The following ZFHX3 variants were observed in gnomAD, a reference collection of about 807,000 sequenced individuals.
ZFHX3 encodes the protein zinc finger homeobox 3.
ZFHX3 carries 42 observed loss-of-function variants against 279.1 expected under a neutral mutation model. The ratio of observed to expected loss-of-function variants is 0.15; its 90% CI spans 0.12 to 0.19. The LOEUF (loss-of-function observed/expected upper bound fraction) is 0.19. Ranked by LOEUF, ZFHX3 falls within the 10% of genes least tolerant of loss-of-function variation. ZFHX3 has a pLI of 1.00. For synonymous variants in ZFHX3, 2,293 were observed against 1,957.8 expected, an observed-to-expected ratio of 1.17 and a Z score of -4.52; for missense variants, 4,981 against 4,754.0, an observed-to-expected ratio of 1.05 and a Z score of -1.40.
intron 4 of ZFHX3, chr16:73,293,986 CAAAAAAAAAAAAA>C (rs56783722): frequency 1.7e-4 from 7 of 41,734 alleles, no homozygotes; most frequent in Admixed American, 3.3e-4. Context: ...GTCAATATGC[CAAAAAAAAAAAAA>C]AAAAAAAAAA....
intron 3 of ZFHX3, among the ~76,000 whole-genome samples, chr16:73,376,236 A>C (rs1458591772): frequency 2.6e-5 from 4 of 152,170 alleles, no homozygotes; most frequent in Non-Finnish European, 5.9e-5. Flanking sequence ...TATAGAATGA[A>C]GTTTTCTAAA....
intron 2 of ZFHX3, among the ~76,000 whole-genome samples, chr16:73,591,217 G>A (rs926763409): frequency 5.9e-5 from 9 of 151,990 alleles, no homozygotes; most frequent in African/African-American, 2.2e-4. Flanking sequence ...GCCGGGCATG[G>A]TGGTGGGCGC....
intron 1 of ZFHX3, among the ~76,000 whole-genome samples, chr16:73,821,373 G>C (rs1477884611): frequency 6.6e-6 from 1 of 152,142 alleles, no homozygotes; most frequent in Non-Finnish European, 1.5e-5. Context: ...TTTCTAAAGG[G>C]GCACTGGAAT....
In ZFHX3 at chr16:73,053,249, T is replaced by C. The variant is rs977654728; in HGVS notation, c.-24+5281A>G. On this transcript the variant is annotated intron_variant, in intron 1 of 8. Coordinates refer to the ZFHX3 transcript ENST00000397992. Reference sequence around the variant, plus strand: ...TGGAAATAAGAGACACTGGACACTATAGTCATTTTTAGTGACACCAGAACG... The same window carrying C: ...TGGAAATAAGAGACACTGGACACTACAGTCATTTTTAGTGACACCAGAACG... Among the ~76,000 whole-genome samples the C allele has an allele frequency of 1.1e-4, 17 of 152,126 alleles. No homozygotes were observed. The South Asian group carries it at 1.2e-3, about 11-fold the overall frequency.
intron 3 of ZFHX3, among the ~76,000 whole-genome samples, chr16:72,945,822 G>T (rs935559373): frequency 2.0e-5 from 3 of 152,078 alleles, no homozygotes; most frequent in Non-Finnish European, 4.4e-5. Flanking sequence ...GTCCCCAAAG[G>T]ATGTATGCTT....
At chr16:73,354,874 C>A (rs114711689) in intron 3 of ZFHX3, among the ~76,000 whole-genome samples, 2,408 of 152,288 alleles carry the variant, frequency 0.016, 27 homozygotes, top group African/African-American at 0.036. Context: ...TCATTTAAAA[C>A]CCTCTCTCTT....
chr16:73,720,404 T>C (rs1196187233), intron 1 of ZFHX3, among the ~76,000 whole-genome samples: 1 of 152,192 alleles, frequency 6.6e-6, no homozygotes, highest in East Asian at 1.9e-4. Flanking sequence ...GGGAGAAAAA[T>C]TATATAGAAC....
chr16:73,373,211 C>T (rs1350826680), intron 3 of ZFHX3, among the ~76,000 whole-genome samples: 1 of 152,106 alleles, frequency 6.6e-6, no homozygotes, highest in Non-Finnish European at 1.5e-5. Context: ...GACTGCTTTT[C>T]ACCTTCCACT....
rs760958351 is a variant in ZFHX3 at position 72,794,908 on chromosome 16, C to G, written c.7774G>C (p.Ala2592Pro). The G allele has an allele frequency of 1.9e-6, 3 of 1,613,870 alleles. No homozygotes were observed. Among genetic ancestry groups the G allele is most frequent in the African/African-American group, 2.7e-5 (2 of 74,878 alleles). The change falls in exon 9 of 10, where the codon GCC becomes CCC. Residue 2592 changes from alanine (A) to proline (P), a missense_variant. This residue lies in a region of ZFHX3 where 744 missense variants were observed against 701.3 expected (regional missense o/e 1.06). Coordinates refer to ENST00000268489, the MANE Select transcript of ZFHX3 (RefSeq NM_006885.4). The surrounding 1 kb of genome is among the most constrained non-coding windows in gnomAD (Gnocchi z 4.2). The stretch of plus-strand genomic sequence containing the variant: ...GAGCTTGCTGGAATCTGAGGTATGG[C>G]CCCAGAGAGCAGCTGGCTGGCCAGG... ...PLLASQLLSG[A>P]IPQIPASSAT...
At chr16:72,988,213 T>A (rs1051403329) in intron 1 of ZFHX3, among the ~76,000 whole-genome samples, 5 of 152,114 alleles carry the variant, frequency 3.3e-5, no homozygotes, top group East Asian at 3.8e-4. Context: ...ACAAAATACA[T>A]CAACCCACTA....
chr16:73,728,053 G>C, intron 1 of ZFHX3, among the ~76,000 whole-genome samples: 1 of 120,386 alleles, frequency 8.3e-6, no homozygotes, highest in African/African-American at 3.3e-5. Context: ...TGTTGAAGTT[G>C]TAACTCCCAG....
At chr16:72,977,037 G>A (rs1962380605) in intron 1 of ZFHX3, among the ~76,000 whole-genome samples, 1 of 152,174 alleles carries the variant, frequency 6.6e-6, no homozygotes, top group South Asian at 2.1e-4. Context: ...TCCCACAAAT[G>A]GTGATGAGAA....
intron 4 of ZFHX3, among the ~76,000 whole-genome samples, chr16:72,845,338 A>T (rs2037452170): frequency 6.6e-6 from 1 of 151,954 alleles, no homozygotes; most frequent in African/African-American, 2.4e-5. Flanking sequence ...ATGGGAATTT[A>T]TTTCCCTCAA....
At position 72,853,375 on chromosome 16, in the gene ZFHX3, A is replaced by C. The variant is rs80305375; in HGVS notation, c.3449-23516T>G. On this transcript the variant is annotated intron_variant, in intron 4 of 9. Coordinates refer to ENST00000268489, the MANE Select transcript of ZFHX3 (RefSeq NM_006885.4). ...TTTCTAGCCAAGGGAATAACACCAC[A>C]AAAGTACTTTTTAAACTAATTACTC... Among the ~76,000 whole-genome samples the C allele has an allele frequency of 7.4e-3, 1,123 of 152,346 alleles. 10 individuals are homozygous for C. Among genetic ancestry groups the C allele is most frequent in the African/African-American group, 0.026 (1,063 of 41,570 alleles).
chr16:72,815,901 C>G (rs2036590875), intron 5 of ZFHX3, among the ~76,000 whole-genome samples: 1 of 152,182 alleles, frequency 6.6e-6, no homozygotes, highest in Non-Finnish European at 1.5e-5. Flanking sequence ...TGGAAACAAT[C>G]TAGATATCTT....
At chr16:73,314,602 GGTGACAT>G (rs1282138176) in intron 4 of ZFHX3, among the ~76,000 whole-genome samples, 1 of 152,088 alleles carries the variant, frequency 6.6e-6, no homozygotes, top group East Asian at 1.9e-4. Flanking sequence ...TTATGATCTA[GGTGACAT>G]GAAATGAGGG....
At chr16:73,721,391 G>T (rs1339218037) in intron 1 of ZFHX3, among the ~76,000 whole-genome samples, 1 of 152,096 alleles carries the variant, frequency 6.6e-6, no homozygotes, top group Non-Finnish European at 1.5e-5. Flanking sequence ...CAAAGTGCTG[G>T]GATTACAGGT....
intron 2 of ZFHX3, among the ~76,000 whole-genome samples, chr16:73,595,828 C>T (rs544252914): frequency 6.6e-6 from 1 of 152,206 alleles, no homozygotes; most frequent in East Asian, 1.9e-4. Context: ...GCCTGAGGGC[C>T]ATCTATGGCA....
chr16:73,081,934 TC>T (rs1597150341), intron 8 of ZFHX3, among the ~76,000 whole-genome samples: 1 of 151,664 alleles, frequency 6.6e-6, no homozygotes, highest in Non-Finnish European at 1.5e-5. Flanking sequence ...CCTCCCAGGT[TC>T]AAGGGATCCT....
Sources: allele counts gnomAD v4.1 joint callset (sites outside exome capture counted in the v4.1 genomes callset), GRCh38; gene constraint gnomAD v4.1.1; regional missense constraint gnomAD v4.1.1; non-coding constraint Gnocchi (gnomAD v3.1); transcripts MANE v1.5; gene names NCBI Gene and HGNC (gene_info 2026-07-23, HGNC 2026-07-21).